The following CTR9 variants were observed in gnomAD, a reference collection of about 807,000 sequenced individuals.
CTR9 encodes the protein RNA polymerase-associated protein CTR9 homolog.
A neutral mutation model predicts 152.1 loss-of-function variants in CTR9; 41 were observed. That is an observed-to-expected ratio of 0.27 (90% confidence interval 0.21 to 0.35). The LOEUF is 0.35. Among genes scored for constraint, CTR9 ranks in the 10% least tolerant of loss-of-function variants. The pLI, the probability that CTR9 is intolerant of heterozygous loss-of-function variation, is 1.00. For missense variants in CTR9, 917 were observed against 1,424.4 expected (o/e 0.64, Z 5.73); for synonymous variants, 476 against 496.2 (o/e 0.96, Z 0.54).
chr11:10,768,258 T>C, intron 15 of CTR9, 85 bp from the exon 16 acceptor site: 1 of 1,570,206 alleles, frequency 6.4e-7, no homozygotes. Context: ...ATGTGATCAA[T>C]GTAGTTGTTT....
chr11:10,775,719 A>T lies in CTR9; in HGVS notation c.3095+86A>T, dbSNP rs1863222024. On this transcript the variant is annotated intron_variant, in intron 24 of 24. Coordinates refer to ENST00000361367, the MANE Select transcript of CTR9 (RefSeq NM_014633.5). The stretch of plus-strand genomic sequence containing the variant: ...AATCAGCCTGTCTGTACTAAGAAAA[A>T]TATACTTTTCTTTCTTTTTCTTTAT... 3 of 814,592 alleles carry T rather than the reference A, an allele frequency of 3.7e-6. No homozygotes were observed. The African/African-American group carries it at 5.7e-5, about 15-fold the overall frequency. The allele number at this position is 814,592 out of a possible 1,614,324, so 50.5% of individuals were successfully genotyped here.
chr11:10,773,078 C>T, intron 20 of CTR9, 49 bp from the exon 21 acceptor site: 3 of 1,567,570 alleles, frequency 1.9e-6, no homozygotes, highest in Non-Finnish European at 1.7e-6. Context: ...AATTTTTCAT[C>T]ATAAGAAAAT....
At chr11:10,763,101 A>G (rs1863003219) in intron 7 of CTR9, among the ~76,000 whole-genome samples, 1 of 150,822 alleles carries the variant, frequency 6.6e-6, no homozygotes, top group African/African-American at 2.4e-5. Flanking sequence ...TTGTGGGTGG[A>G]TAAGTTGAGG....
intron 22 of CTR9, chr11:10,774,454 A>G (rs1863198432): frequency 3.8e-6 from 1 of 265,702 alleles, no homozygotes; most frequent in Non-Finnish European, 7.1e-6. Flanking sequence ...GTGATTTAGA[A>G]TAAGACCTGG....
chr11:10,756,974 A>G (rs1862894912), intron 5 of CTR9, 136 bp downstream of exon 5: 2 of 690,024 alleles, frequency 2.9e-6, no homozygotes, highest in African/African-American at 1.8e-5. Context: ...TTTTTTTTTG[A>G]TGCTATGTTT....
At chr11:10,764,491 C>A in intron 11 of CTR9, 55 bp downstream of exon 11, 1 of 1,604,110 alleles carries the variant, frequency 6.2e-7, no homozygotes, top group Admixed American at 1.7e-5. Flanking sequence ...GCATGCACAC[C>A]TTTTTAAAAA....
At chr11:10,759,981 G>A (rs889427000) in intron 5 of CTR9, among the ~76,000 whole-genome samples, 192 bp from the exon 6 acceptor site, 1 of 152,180 alleles carries the variant, frequency 6.6e-6, no homozygotes, top group Non-Finnish European at 1.5e-5. Flanking sequence ...ATAGAGGAGA[G>A]GGTTGGAATA....
intron 6 of CTR9, among the ~76,000 whole-genome samples, chr11:10,761,715 C>G (rs549736034): frequency 1.3e-5 from 2 of 151,914 alleles, no homozygotes; most frequent in African/African-American, 4.8e-5. Flanking sequence ...CAAGCAAGAA[C>G]TGAACAAGAA....
At chr11:10,760,980 G>C (rs1444104827) in intron 6 of CTR9, among the ~76,000 whole-genome samples, 3 of 152,166 alleles carry the variant, frequency 2.0e-5, no homozygotes, top group Non-Finnish European at 4.4e-5. Context: ...GAGAAGCCCT[G>C]TCTTATATTG....
chr11:10,756,462 T>A (rs1350296689), intron 4 of CTR9, among the ~76,000 whole-genome samples: 1 of 152,188 alleles, frequency 6.6e-6, no homozygotes, highest in Non-Finnish European at 1.5e-5. Flanking sequence ...GTCCATGTGT[T>A]CTCATCATTT....
chr11:10,753,061 A>G (rs1176413439), intron 2 of CTR9, among the ~76,000 whole-genome samples: 5 of 152,212 alleles, frequency 3.3e-5, no homozygotes, highest in Non-Finnish European at 7.4e-5. Context: ...CTTATGGTTT[A>G]TAGATAAGCT....
chr11:10,768,116 G>C lies in CTR9; in HGVS notation c.1915G>C (p.Val639Leu). 1 of 1,614,012 alleles carries C rather than the reference G, an allele frequency of 6.2e-7. No individual in the cohort carries two copies. ...QDRALAIYKQ[V>L]LRNDAKNLYA... ...TCGTGCTCTGGCCATCTACAAACAA[G>C]TACTCAGAAATGATGCAAAGAATCT... The change falls in exon 15 of 25, where the codon GTA becomes CTA. Residue 639 changes from valine to leucine, a missense_variant. Around this residue, in one of 9 missense-constraint regions of CTR9, gnomAD observed 87 missense variants for 235.7 expected, o/e 0.37. Transcript: ENST00000361367.
At chr11:10,771,485 G>A in intron 18 of CTR9, 60 bp from the exon 19 acceptor site, 6 of 1,253,300 alleles carry the variant, frequency 4.8e-6, no homozygotes, top group Non-Finnish European at 7.0e-6. Context: ...AATTTTTTAA[G>A]AGCTTTATTT....
intron 22 of CTR9, 56 bp from the exon 23 acceptor site, chr11:10,775,126 AATAATAATTTAATGGCAAAGTAGTC>A: frequency 9.1e-7 from 1 of 1,099,006 alleles, no homozygotes; most frequent in Non-Finnish European, 1.4e-6. Flanking sequence ...ATTCAGAATG[AATAATAATTTAATGGCAAAGTAGTC>A]TGGAACTTTA....
chr11:10,759,213 C>T (rs566243359), intron 5 of CTR9, among the ~76,000 whole-genome samples: 1 of 152,182 alleles, frequency 6.6e-6, no homozygotes, highest in South Asian at 2.1e-4. Context: ...GAAGAATCAG[C>T]AAAGGAGACT....
At chr11:10,775,930 C>G (rs1863227285) in intron 24 of CTR9, among the ~76,000 whole-genome samples, 1 of 152,114 alleles carries the variant, frequency 6.6e-6, no homozygotes, top group Admixed American at 6.5e-5. Context: ...AGTCTCATTT[C>G]TTCATGGATG....
intron 7 of CTR9, 42 bp from the exon 8 acceptor site, chr11:10,763,389 G>C: frequency 7.6e-7 from 1 of 1,319,586 alleles, no homozygotes; most frequent in Non-Finnish European, 1.1e-6. Context: ...ATGCAAGCTA[G>C]TCTTATGAAT....
chr11:10,773,410 C>A, intron 21 of CTR9, 137 bp downstream of exon 21: 2 of 1,014,690 alleles, frequency 2.0e-6, no homozygotes, highest in Non-Finnish European at 1.5e-6. Flanking sequence ...TCTTCTAACA[C>A]AGAGAATGAT....
rs764690163 is a variant in CTR9, at chr11:10,775,641, A to T, written c.3095+8A>T. ...TAAAATTGCTGATGAAGGGTAGGAT[A>T]TTTTCTCTTTGTAAATTCTTCTCAT... On this transcript the variant is annotated splice_region_variant and intron_variant, in intron 24 of 24. Coordinates refer to ENST00000361367, the MANE Select transcript of CTR9 (RefSeq NM_014633.5). The T allele has an allele frequency of 6.4e-7, 1 of 1,566,190 alleles. No homozygotes were observed. The highest frequency in any genetic ancestry group is 2.3e-5 in the East Asian group (1 of 44,294).
Sources: allele counts gnomAD v4.1 joint callset (sites outside exome capture counted in the v4.1 genomes callset), GRCh38; gene constraint gnomAD v4.1.1; regional missense constraint gnomAD v4.1.1; transcripts MANE v1.5; gene names NCBI Gene and HGNC (gene_info 2026-07-23, HGNC 2026-07-21).